The following MTUS2 variants were observed in gnomAD, a reference collection of about 807,000 sequenced individuals.
The protein encoded by MTUS2 is microtubule-associated tumor suppressor candidate 2.
In MTUS2, 40 loss-of-function variants were observed where a neutral mutation model predicts 114.1. That is an observed-to-expected ratio of 0.35 (90% CI 0.27 to 0.46). The LOEUF (loss-of-function observed/expected upper bound fraction) is 0.46, where lower values mean the gene tolerates loss of function less well. Among genes scored for constraint, MTUS2 ranks in the 20% least tolerant of loss-of-function variants. The pLI is 1.00. For missense variants in MTUS2, 1,679 were observed against 1,705.4 expected, an observed-to-expected ratio of 0.98 and a Z score of 0.27; for synonymous variants, 688 against 672.0, an observed-to-expected ratio of 1.02 and a Z score of -0.37.
At chr13:28,966,571 A>C (rs1327764713) in intron 2 of MTUS2, among the ~76,000 whole-genome samples, 1 of 152,024 alleles carries the variant, frequency 6.6e-6, no homozygotes, top group Non-Finnish European at 1.5e-5. Context: ...AAAATTAAAA[A>C]GCAATTAGCT....
chr13:29,289,052 A>G (rs980697609), intron 6 of MTUS2, among the ~76,000 whole-genome samples: 1 of 152,226 alleles, frequency 6.6e-6, no homozygotes, highest in African/African-American at 2.4e-5. Context: ...CTATTTTTGT[A>G]TAGCAAATTG....
chr13:29,133,030 G>GT (rs1183245494), intron 5 of MTUS2, among the ~76,000 whole-genome samples: 121 of 145,446 alleles, frequency 8.3e-4, no homozygotes, highest in East Asian at 1.6e-3. Context: ...GTTATTTTGT[G>GT]TTTTTTTTTT....
chr13:28,998,135 C>A (rs970063382), intron 2 of MTUS2, among the ~76,000 whole-genome samples: 7 of 151,850 alleles, frequency 4.6e-5, no homozygotes, highest in African/African-American at 1.7e-4. Flanking sequence ...GATTTTATTT[C>A]TCCTTCACTT....
intron 2 of MTUS2, among the ~76,000 whole-genome samples, chr13:28,942,730 T>TAG (rs1882313932): frequency 6.6e-6 from 1 of 152,200 alleles, no homozygotes; most frequent in African/African-American, 2.4e-5. Flanking sequence ...ATTTCAGTTT[T>TAG]TATCAAGGTC....
intron 7 of MTUS2, among the ~76,000 whole-genome samples, chr13:29,335,956 C>G (rs899633906): frequency 6.6e-6 from 1 of 152,104 alleles, no homozygotes; most frequent in African/African-American, 2.4e-5. Flanking sequence ...CTCTGATATC[C>G]TTTTTCCCGC....
chr13:28,855,459 G>A (rs751264364), intron 2 of MTUS2, among the ~76,000 whole-genome samples: 9 of 151,918 alleles, frequency 5.9e-5, no homozygotes, highest in African/African-American at 9.7e-5. Context: ...AGCGTGTGTC[G>A]TTCCCCTCCC....
intron 5 of MTUS2, among the ~76,000 whole-genome samples, chr13:29,219,465 T>G (rs1183856136): frequency 6.6e-6 from 1 of 152,054 alleles, no homozygotes; most frequent in East Asian, 1.9e-4. Flanking sequence ...CAGCATGATT[T>G]ATAGTCCTTT....
chr13:29,093,674 C>T (rs918628046), intron 4 of MTUS2, among the ~76,000 whole-genome samples: 4 of 152,100 alleles, frequency 2.6e-5, no homozygotes, highest in Non-Finnish European at 4.4e-5. Flanking sequence ...TTGGGATTTT[C>T]TATATATAAG....
chr13:29,284,875 A>G (rs1593261011), intron 6 of MTUS2, among the ~76,000 whole-genome samples: 1 of 152,188 alleles, frequency 6.6e-6, no homozygotes, highest in Non-Finnish European at 1.5e-5. Context: ...ACCAGTCATA[A>G]TGAGCACTCC....
At position 29,098,659 on chromosome 13, in the gene MTUS2, C is replaced by T. The variant is rs972246767; in HGVS notation, c.2447-2114C>T. Among the ~76,000 whole-genome samples, 16 of 152,200 alleles carry T rather than the reference C, an allele frequency of 1.1e-4. 1 individual carries two copies. The highest frequency in any genetic ancestry group is 9.8e-4 in the Admixed American group (15 of 15,294). The stretch of plus-strand genomic sequence containing the variant: ...GCTACTTTTCTACTGATGAAATCAA[C>T]AATAATGGAATATAAGTAAGTGCAG... On this transcript the variant is annotated intron_variant, in intron 4 of 15. Transcript: ENST00000612955.
At chr13:29,445,933 A>G (rs924137932) in intron 9 of MTUS2, among the ~76,000 whole-genome samples, 1 of 152,050 alleles carries the variant, frequency 6.6e-6, no homozygotes, top group Admixed American at 6.5e-5. Context: ...GAGAGTTTAT[A>G]TAATTCTATC....
chr13:29,041,187 C>G (rs1330660245), intron 4 of MTUS2, among the ~76,000 whole-genome samples: 2 of 152,110 alleles, frequency 1.3e-5, no homozygotes, highest in East Asian at 3.9e-4. Flanking sequence ...ATCCCAGCAC[C>G]ATTTGTTGAA....
chr13:29,247,506 A>G (rs1472658219), intron 5 of MTUS2, among the ~76,000 whole-genome samples: 1 of 152,242 alleles, frequency 6.6e-6, no homozygotes, highest in African/African-American at 2.4e-5. Flanking sequence ...CAAACTATGC[A>G]TCTGATAAAG....
At chr13:28,968,729 A>C (rs1293762813) in intron 2 of MTUS2, among the ~76,000 whole-genome samples, 1 of 152,174 alleles carries the variant, frequency 6.6e-6, no homozygotes, top group Non-Finnish European at 1.5e-5. Context: ...AATTTTAAGC[A>C]GATTGCTTCT....
intron 5 of MTUS2, among the ~76,000 whole-genome samples, chr13:29,202,522 C>T (rs771710258): frequency 6.6e-6 from 1 of 152,230 alleles, no homozygotes; most frequent in Non-Finnish European, 1.5e-5. Context: ...TTGTCAAACT[C>T]GTTCTCCATC....
chr13:29,444,254 T>C (rs1031587536), intron 9 of MTUS2, among the ~76,000 whole-genome samples: 4 of 151,988 alleles, frequency 2.6e-5, no homozygotes, highest in Non-Finnish European at 4.4e-5. Context: ...TCAAACCCCA[T>C]CTCTACTAAA....
chr13:29,085,333 A>C (rs960718302), intron 4 of MTUS2, among the ~76,000 whole-genome samples: 2 of 152,164 alleles, frequency 1.3e-5, no homozygotes, highest in African/African-American at 4.8e-5. Flanking sequence ...GGTTTGTTAC[A>C]TGAGTAAATT....
At chr13:29,400,437 G>A (rs934339490) in intron 8 of MTUS2, among the ~76,000 whole-genome samples, 1 of 152,220 alleles carries the variant, frequency 6.6e-6, no homozygotes, top group African/African-American at 2.4e-5. Flanking sequence ...TCTCTAAGCA[G>A]CACAGAAATT....
At chr13:28,976,579 G>A (rs1884116986) in intron 2 of MTUS2, among the ~76,000 whole-genome samples, 1 of 152,186 alleles carries the variant, frequency 6.6e-6, no homozygotes, top group Non-Finnish European at 1.5e-5. Flanking sequence ...GATAGTCCAG[G>A]GAGGGATGAG....
Sources: allele counts gnomAD v4.1 joint callset (sites outside exome capture counted in the v4.1 genomes callset), GRCh38; gene constraint gnomAD v4.1.1; transcripts MANE v1.5; gene names NCBI Gene and HGNC (gene_info 2026-07-23, HGNC 2026-07-21).